DGKI: variants seen among roughly 807,000 people sequenced by gnomAD.
The protein encoded by DGKI is diacylglycerol kinase iota.
DGKI carries 55 observed loss-of-function variants against 147.5 expected under a neutral mutation model. That is an observed-to-expected ratio of 0.37 (90% CI 0.30 to 0.47). The LOEUF is 0.47. DGKI is among the 20% of genes least tolerant of loss of function. The pLI is 1.00. For synonymous variants in DGKI, 469 were observed against 477.1 expected (o/e 0.98, Z 0.22); for missense variants, 1,007 against 1,323.8 (o/e 0.76, Z 3.71).
chr7:137,777,033 A>G (rs539006103), intron 1 of DGKI, among the ~76,000 whole-genome samples: 5 of 151,792 alleles, frequency 3.3e-5, no homozygotes, highest in Admixed American at 3.3e-4. Flanking sequence ...AAAAAAAAAA[A>G]TTTTTTTTAA....
At chr7:137,506,120 A>C (rs1389804225) in intron 21 of DGKI, among the ~76,000 whole-genome samples, 1 of 152,200 alleles carries the variant, frequency 6.6e-6, no homozygotes, top group Non-Finnish European at 1.5e-5. Context: ...TACCCAATGG[A>C]GTTGAAAATT....
At chr7:137,842,823 A>G (rs986493601) in intron 1 of DGKI, among the ~76,000 whole-genome samples, 19 of 152,202 alleles carry the variant, frequency 1.2e-4, no homozygotes, top group Non-Finnish European at 2.9e-5. Context: ...AAGGGCCACA[A>G]GCCAAAAAAA....
rs530564845 is a variant in DGKI, at chr7:137,722,982, G to A, written c.402-32980C>T. The A allele has an allele frequency of 1.1e-4, 59 of 560,332 alleles. No homozygotes were observed. The East Asian group carries it at 1.7e-3, about 16-fold the overall frequency. The allele number at this position is 560,332 out of a possible 1,614,324, so 34.7% of individuals were successfully genotyped here. ...ATTAGTTACCTATCCTGAGATAAAT[G>A]AATCTACTTCTCTGTGCCTTATTTT... is the stretch of plus-strand genomic sequence containing the variant. On this transcript the variant is annotated intron_variant, in intron 1 of 32. Coordinates refer to ENST00000614521, the MANE Select transcript of DGKI (RefSeq NM_001321708.2).
intron 1 of DGKI, among the ~76,000 whole-genome samples, chr7:137,821,589 C>A (rs1213888377): frequency 6.6e-6 from 1 of 151,546 alleles, no homozygotes; most frequent in African/African-American, 2.4e-5. Flanking sequence ...ATACTTTTAG[C>A]CCAGCTCTCT....
At chr7:137,573,458 G>A (rs1485000419) in intron 17 of DGKI, among the ~76,000 whole-genome samples, 2 of 152,208 alleles carry the variant, frequency 1.3e-5, no homozygotes, top group African/African-American at 2.4e-5. Context: ...AGGCCGAAGT[G>A]CAATGGCGTG....
At chr7:137,536,301 G>T (rs575188369) in intron 20 of DGKI, among the ~76,000 whole-genome samples, 3 of 152,102 alleles carry the variant, frequency 2.0e-5, no homozygotes, top group Non-Finnish European at 4.4e-5. Flanking sequence ...GAGACTAGTA[G>T]CAACTGTGAC....
intron 3 of DGKI, among the ~76,000 whole-genome samples, chr7:137,661,098 T>A (rs1272538234): frequency 6.6e-6 from 1 of 152,208 alleles, no homozygotes; most frequent in Non-Finnish European, 1.5e-5. Flanking sequence ...TATTTCTTCT[T>A]GCAGTGGGGC....
chr7:137,449,073 C>G (rs1042824158), intron 27 of DGKI, among the ~76,000 whole-genome samples: 4 of 152,074 alleles, frequency 2.6e-5, no homozygotes, highest in African/African-American at 9.7e-5. Context: ...TTTTAAGCAA[C>G]CTAGAGATTC....
At chr7:137,466,216 T>C (rs776307236) in intron 25 of DGKI, among the ~76,000 whole-genome samples, 181 bp from the exon 26 acceptor site, 1 of 152,260 alleles carries the variant, frequency 6.6e-6, no homozygotes, top group Non-Finnish European at 1.5e-5. Flanking sequence ...GAGAGATGAA[T>C]CCCCTTGGTT....
chr7:137,792,513 T>G (rs1462559836), intron 1 of DGKI, among the ~76,000 whole-genome samples: 2 of 152,240 alleles, frequency 1.3e-5, no homozygotes, highest in Admixed American at 1.3e-4. Flanking sequence ...TTCTTCCAGT[T>G]AACAATAGCT....
intron 21 of DGKI, among the ~76,000 whole-genome samples, chr7:137,508,059 A>G (rs1816429327): frequency 6.6e-6 from 1 of 152,114 alleles, no homozygotes; most frequent in Non-Finnish European, 1.5e-5. Context: ...GGTGAGGCTA[A>G]GACCAGAGGT....
chr7:137,454,148 T>C (rs1029969901), intron 27 of DGKI, among the ~76,000 whole-genome samples: 1 of 152,150 alleles, frequency 6.6e-6, no homozygotes, highest in Non-Finnish European at 1.5e-5. Flanking sequence ...ACCACAAAAA[T>C]AACTGTGTGA....
intron 1 of DGKI, among the ~76,000 whole-genome samples, chr7:137,773,269 G>A (rs774101623): frequency 1.8e-4 from 27 of 152,122 alleles, no homozygotes; most frequent in Non-Finnish European, 3.5e-4. Flanking sequence ...CGTATAGCAC[G>A]GAAGGGTAGG....
At position 137,487,731 on chromosome 7, in the gene DGKI, G is replaced by A. The variant is rs1318486209; in HGVS notation, c.2249-42C>T. On this transcript the variant is annotated intron_variant, in intron 21 of 32. Transcript: ENST00000614521. ...AAGAAAAATCTAAAATAACATATTTGATTTTTCTATATCAGCATAAATGTG... is the reference window on the plus strand; with the variant it reads ...AAGAAAAATCTAAAATAACATATTTAATTTTTCTATATCAGCATAAATGTG... 6 of 1,556,766 alleles carry A rather than the reference G, an allele frequency of 3.9e-6. No individual in the cohort carries two copies. In the South Asian group the frequency reaches 6.7e-5, roughly 17 times the overall value.
At chr7:137,552,901 C>T (rs572702333) in intron 19 of DGKI, among the ~76,000 whole-genome samples, 44 of 151,854 alleles carry the variant, frequency 2.9e-4, no homozygotes, top group Non-Finnish European at 5.1e-4. Context: ...GGCAATAGAG[C>T]GAGACTCCAT....
At chr7:137,645,130 C>A (rs1207544937) in intron 6 of DGKI, among the ~76,000 whole-genome samples, 1 of 152,222 alleles carries the variant, frequency 6.6e-6, no homozygotes, top group Non-Finnish European at 1.5e-5. Context: ...GTTGCTCAAA[C>A]CCATTGATTT....
chr7:137,552,188 T>C (rs909564903), intron 20 of DGKI, among the ~76,000 whole-genome samples, 181 bp downstream of exon 20: 2 of 152,168 alleles, frequency 1.3e-5, no homozygotes, highest in African/African-American at 4.8e-5. Context: ...GGCATGGAAC[T>C]GTATAATAAA....
rs1798736823 is a variant in DGKI at position 137,846,491 on chromosome 7, G to A, written c.372C>T (p.Asn124=). 1.3e-6 allele frequency: 2 copies of A among 1,592,584 alleles called. No homozygotes were observed. Among genetic ancestry groups the A allele is most frequent in the East Asian group, 2.3e-5 (1 of 43,068 alleles). The change falls in exon 1 of 33, where the codon AAC becomes AAT. Residue 124 remains asparagine (N), a synonymous_variant. Coordinates refer to ENST00000614521, the MANE Select transcript of DGKI (RefSeq NM_001321708.2). The surrounding 1 kb of genome is among the most constrained non-coding windows in gnomAD (Gnocchi z 4.0). Reference sequence around the variant, plus strand: ...ACGAGACCTGCTTCCGGAAAGTTAAGTTCCTCAGCTTCTCCTCCAGCGCTT... The same window carrying A: ...ACGAGACCTGCTTCCGGAAAGTTAAATTCCTCAGCTTCTCCTCCAGCGCTT... ...KDEALEEKLR[N]LTFRKQVSYR...
intron 28 of DGKI, among the ~76,000 whole-genome samples, chr7:137,428,921 C>T (rs187945875): frequency 6.6e-6 from 1 of 151,802 alleles, no homozygotes; most frequent in African/African-American, 2.4e-5. Context: ...AGAAATGGAA[C>T]AACATTCCAT....
Sources: allele counts gnomAD v4.1 joint callset (sites outside exome capture counted in the v4.1 genomes callset), GRCh38; gene constraint gnomAD v4.1.1; non-coding constraint Gnocchi (gnomAD v3.1); transcripts MANE v1.5; gene names NCBI Gene and HGNC (gene_info 2026-07-23, HGNC 2026-07-21).